The following FAM210A variants were observed in gnomAD, a reference collection of about 807,000 sequenced individuals.
The protein encoded by FAM210A is family with sequence similarity 210 member A.
Under a neutral mutation model 25.3 loss-of-function variants are expected in FAM210A, and 13 were observed. The ratio of observed to expected loss-of-function variants is 0.51; its 90% CI spans 0.33 to 0.82. The LOEUF (loss-of-function observed/expected upper bound fraction) is 0.82, where lower values mean the gene tolerates loss of function less well. Among genes scored for constraint, FAM210A ranks in the 40% least tolerant of loss-of-function variants. FAM210A has a pLI of 0.02. For missense variants in FAM210A, 319 were observed against 323.2 expected (o/e 0.99, Z 0.10); for synonymous variants, 125 against 118.7 (o/e 1.05, Z -0.35).
At chr18:13,679,867 A>G (rs1415590199) in intron 2 of FAM210A, among the ~76,000 whole-genome samples, 1 of 152,220 alleles carries the variant, frequency 6.6e-6, no homozygotes, top group African/African-American at 2.4e-5. Context: ...AAGAAATCTT[A>G]AGCATTATTA....
chr18:13,677,826 C>T (rs1224427050), intron 2 of FAM210A, among the ~76,000 whole-genome samples: 2 of 152,062 alleles, frequency 1.3e-5, no homozygotes, highest in Admixed American at 6.6e-5. Flanking sequence ...ATTATGATAA[C>T]GGTAGCGGTA....
chr18:13,687,171 T>C (rs2043604999), intron 1 of FAM210A, among the ~76,000 whole-genome samples: 1 of 152,204 alleles, frequency 6.6e-6, no homozygotes, highest in Non-Finnish European at 1.5e-5. Flanking sequence ...ATCTCCCAAA[T>C]GACTGAATGG....
chr18:13,706,089 A>G lies in FAM210A; in HGVS notation c.-29+20240T>C, dbSNP rs145153169. ...CAGAGAAAGATTGTCCTTGCTATCC[A>G]TACTGCAGCAAAACTTCAGGACCTT... On this transcript the variant is annotated intron_variant, in intron 1 of 3. Coordinates refer to ENST00000651643, the MANE Select transcript of FAM210A (RefSeq NM_152352.4). 4.6e-5 allele frequency among the ~76,000 whole-genome samples: 7 copies of G among 152,302 alleles called. No homozygotes were observed. The East Asian group carries it at 1.4e-3, about 29-fold the overall frequency.
chr18:13,687,238 C>T (rs551043245), intron 1 of FAM210A, among the ~76,000 whole-genome samples: 15 of 152,312 alleles, frequency 9.8e-5, no homozygotes, highest in Middle Eastern at 6.8e-3. Context: ...TCAGGTCACA[C>T]GCCTGTTACC....
At chr18:13,705,349 C>T (rs1311297762) in intron 1 of FAM210A, among the ~76,000 whole-genome samples, 2 of 152,210 alleles carry the variant, frequency 1.3e-5, no homozygotes, top group African/African-American at 2.4e-5. Context: ...GGATAGCCAC[C>T]TTGTCCTTCC....
At chr18:13,723,468 A>G (rs2043912471) in intron 1 of FAM210A, among the ~76,000 whole-genome samples, 1 of 152,234 alleles carries the variant, frequency 6.6e-6, no homozygotes, top group South Asian at 2.1e-4. Flanking sequence ...AGGGGATAGC[A>G]ACTTCAAAAT....
chr18:13,722,468 T>C lies in FAM210A; in HGVS notation c.-29+3861A>G, dbSNP rs117993076. ...TACCTCAAGGGAGGTCATTACAGGT[T>C]CTTCAGGCAAAGCAGAGTTAACCTC... is the stretch of plus-strand genomic sequence containing the variant. On this transcript the variant is annotated intron_variant, in intron 1 of 3. Transcript: ENST00000651643. Among the ~76,000 whole-genome samples, 118 of 152,272 alleles carry C rather than the reference T, an allele frequency of 7.7e-4. 3 individuals carry two copies. The East Asian group carries it at 0.02, about 25-fold the overall frequency.
chr18:13,674,072 T>A (rs188190825), intron 2 of FAM210A, among the ~76,000 whole-genome samples: 52 of 151,184 alleles, frequency 3.4e-4, no homozygotes, highest in Admixed American at 5.2e-4. Flanking sequence ...TCCTGATTAT[T>A]ATAATTCCTG....
chr18:13,677,485 C>G (rs1010343164), intron 2 of FAM210A, among the ~76,000 whole-genome samples: 22 of 152,310 alleles, frequency 1.4e-4, no homozygotes, highest in Middle Eastern at 3.4e-3. Context: ...GTAATCAGAA[C>G]AGAACAGAAC....
chr18:13,699,413 T>C (rs993292736), intron 1 of FAM210A, among the ~76,000 whole-genome samples: 1 of 152,176 alleles, frequency 6.6e-6, no homozygotes, highest in Non-Finnish European at 1.5e-5. Context: ...TGAATTCCTA[T>C]GGAAGTTCAT....
chr18:13,677,887 T>G (rs1409277677), intron 2 of FAM210A, among the ~76,000 whole-genome samples: 1 of 152,196 alleles, frequency 6.6e-6, no homozygotes, highest in African/African-American at 2.4e-5. Context: ...ACTCTGTGAC[T>G]TCACCATAAT....
At chr18:13,670,087 G>A (rs533905504) in intron 3 of FAM210A, among the ~76,000 whole-genome samples, 1 of 152,228 alleles carries the variant, frequency 6.6e-6, no homozygotes, top group African/African-American at 2.4e-5. Context: ...AACACGTGCT[G>A]AGCATTTTAT....
intron 2 of FAM210A, among the ~76,000 whole-genome samples, chr18:13,673,472 T>C (rs1293510725): frequency 6.6e-6 from 1 of 150,510 alleles, no homozygotes; most frequent in African/African-American, 2.4e-5. Flanking sequence ...CCGACTTCTT[T>C]ATTTCCAATT....
rs146309672 is a variant in FAM210A at position 13,716,690 on chromosome 18, G to C, written c.-29+9639C>G. On this transcript the variant is annotated intron_variant, in intron 1 of 3. Coordinates refer to ENST00000651643, the MANE Select transcript of FAM210A (RefSeq NM_152352.4). Reference sequence around the variant, plus strand: ...CCCCTTGCTGATCTCATGATAGGGAGTTCTCACGAGATCTGATGGTTTTAA... The same window carrying C: ...CCCCTTGCTGATCTCATGATAGGGACTTCTCACGAGATCTGATGGTTTTAA... Among the ~76,000 whole-genome samples, 117 of 152,244 alleles carry C rather than the reference G, an allele frequency of 7.7e-4. 3 individuals are homozygous for C. In the East Asian group the frequency reaches 0.019, roughly 25 times the overall value.
intron 1 of FAM210A, among the ~76,000 whole-genome samples, chr18:13,704,592 T>G (rs1165991018): frequency 6.6e-6 from 1 of 152,180 alleles, no homozygotes. Flanking sequence ...CTTTTCTAAC[T>G]TCTAACTTTG....
intron 1 of FAM210A, chr18:13,715,105 G>T (rs1456234928): frequency 1.3e-5 from 2 of 151,938 alleles, no homozygotes; most frequent in Non-Finnish European, 2.9e-5. Context: ...CAGAGACAGG[G>T]TCTTGCTATT....
intron 1 of FAM210A, among the ~76,000 whole-genome samples, chr18:13,699,977 G>A (rs1236254662): frequency 1.3e-5 from 2 of 152,070 alleles, no homozygotes; most frequent in Non-Finnish European, 2.9e-5. Context: ...ACTCAATGTA[G>A]AATACTTCTA....
At chr18:13,683,562 C>G (rs77255031) in intron 1 of FAM210A, among the ~76,000 whole-genome samples, 1 of 60,846 alleles carries the variant, frequency 1.6e-5, no homozygotes, top group Non-Finnish European at 3.3e-5. Context: ...AGACTGCAAG[C>G]CTTTTTTTTT....
intron 1 of FAM210A, among the ~76,000 whole-genome samples, chr18:13,684,954 T>TA (rs369229966): frequency 0.013 from 1,897 of 151,736 alleles, 40 homozygotes; most frequent in African/African-American, 0.04. Flanking sequence ...AACATACTTC[T>TA]AAAAAAAAAT....
Sources: gnomAD v4.1 joint callset for allele counts (sites outside exome capture counted in the v4.1 genomes callset) on GRCh38, gnomAD v4.1.1 for gene constraint, MANE v1.5 for transcripts, NCBI Gene and HGNC (gene_info 2026-07-23, HGNC 2026-07-21) for gene names.